HDAC9: variants seen among roughly 807,000 people sequenced by gnomAD.
The protein encoded by HDAC9 is MEF-2 interacting transcription repressor (MITR) protein.
A neutral mutation model predicts 139.4 loss-of-function variants in HDAC9; 41 were observed. That is an observed-to-expected ratio of 0.29 (90% CI 0.23 to 0.38). The LOEUF (loss-of-function observed/expected upper bound fraction) is 0.38. Among genes scored for constraint, HDAC9 ranks in the 10% least tolerant of loss-of-function variants. The pLI, the probability that HDAC9 is intolerant of heterozygous loss-of-function variation, is 1.00. For missense variants in HDAC9, 1,147 were observed against 1,297.0 expected, an observed-to-expected ratio of 0.88 and a Z score of 1.78; for synonymous variants, 517 against 476.2, an observed-to-expected ratio of 1.09 and a Z score of -1.12.
chr7:18,823,976 A>AAAGAAGAAGAAG (rs57608252), intron 17 of HDAC9, among the ~76,000 whole-genome samples: 41 of 148,686 alleles, frequency 2.8e-4, no homozygotes, highest in African/African-American at 9.9e-4. Context: ...AGACCCTGTG[A>AAAGAAGAAGAAG]AAGAAGAAGA....
At chr7:18,392,600 A>G (rs984891869) in intron 1 of HDAC9, among the ~76,000 whole-genome samples, 3 of 152,254 alleles carry the variant, frequency 2.0e-5, no homozygotes, top group Non-Finnish European at 4.4e-5. Flanking sequence ...CAATCCAACT[A>G]ATGCAATTTT....
chr7:18,972,252 C>T (rs1784284991), intron 24 of HDAC9, among the ~76,000 whole-genome samples: 1 of 151,984 alleles, frequency 6.6e-6, no homozygotes, highest in Non-Finnish European at 1.5e-5. Context: ...AAGCCTACCA[C>T]TATTATTTAT....
At chr7:18,933,522 A>T (rs549486832) in intron 22 of HDAC9, among the ~76,000 whole-genome samples, 1 of 151,772 alleles carries the variant, frequency 6.6e-6, no homozygotes, top group Non-Finnish European at 1.5e-5. Context: ...GAATTTCCAT[A>T]TATAAATTTT....
At chr7:18,471,801 C>T (rs1188550574) in intron 1 of HDAC9, among the ~76,000 whole-genome samples, 2 of 152,114 alleles carry the variant, frequency 1.3e-5, no homozygotes, top group African/African-American at 4.8e-5. Flanking sequence ...ATGTAACCAT[C>T]CTTGTGGAGA....
intron 17 of HDAC9, among the ~76,000 whole-genome samples, chr7:18,803,587 C>G (rs1466404948): frequency 6.6e-6 from 1 of 152,140 alleles, no homozygotes; most frequent in Admixed American, 6.6e-5. Flanking sequence ...TCTCTCAGCA[C>G]TTTAAATATC....
intron 1 of HDAC9, among the ~76,000 whole-genome samples, chr7:18,424,707 G>C: frequency 6.6e-6 from 1 of 152,152 alleles, no homozygotes; most frequent in East Asian, 1.9e-4. Context: ...TCAGGAGTTT[G>C]AGGCCAGCCA....
At chr7:18,088,868 T>C (rs1390139797) in intron 1 of HDAC9, among the ~76,000 whole-genome samples, 2 of 152,238 alleles carry the variant, frequency 1.3e-5, no homozygotes, top group African/African-American at 2.4e-5. Context: ...AACAACATAA[T>C]TTAGTCAGTT....
chr7:18,582,929 A>G (rs1828274346), intron 2 of HDAC9, among the ~76,000 whole-genome samples: 2 of 152,190 alleles, frequency 1.3e-5, no homozygotes, highest in Admixed American at 1.3e-4. Context: ...CATTGTACAC[A>G]TATATGTATA....
At position 18,421,483 on chromosome 7, in the gene HDAC9, AAAAG is replaced by A. The variant is rs1269014830; in HGVS notation, c.-41-74771_-41-74768del. ...GAAAGAAAGAAAGAATGAAAAAATGAAAAGAAAGAAAAGGAAAAGGAAGAAAAGA... is the reference window on the plus strand; with the variant it reads ...GAAAGAAAGAAAGAATGAAAAAATGAAAAGAAAAGGAAAAGGAAGAAAAGA... On this transcript the variant is annotated intron_variant, in intron 1 of 3. Coordinates refer to the HDAC9 transcript ENST00000413509. 5.9e-5 allele frequency among the ~76,000 whole-genome samples: 9 copies of A among 152,178 alleles called. No homozygotes were observed. The South Asian group carries it at 1.5e-3, about 25-fold the overall frequency.
Position 18,585,266 on chromosome 7 carries a change from T to C in HDAC9, c.23-15T>C, listed in dbSNP as rs371865786. 1.4e-4 allele frequency: 231 copies of C among 1,610,462 alleles called. No homozygotes were observed. The highest frequency in any genetic ancestry group is 1.7e-4 in the Non-Finnish European group (199 of 1,177,922). On this transcript the variant is annotated splice_polypyrimidine_tract_variant and intron_variant, in intron 2 of 25. Coordinates refer to ENST00000686413, the MANE Select transcript of HDAC9 (RefSeq NM_178425.4). ...CCCTCCCCCACCCCATTTCCCTTTT[T>C]TTCTGGTTCTTTAGTGGATGTGAAG...
intron 1 of HDAC9, among the ~76,000 whole-genome samples, chr7:18,349,406 AG>A (rs1782683382): frequency 6.6e-6 from 1 of 150,750 alleles, no homozygotes; most frequent in African/African-American, 2.5e-5. Context: ...TCTCTATAGC[AG>A]TGATCAACAG....
chr7:18,532,654 A>G (rs2128238992), intron 2 of HDAC9, among the ~76,000 whole-genome samples: 1 of 152,248 alleles, frequency 6.6e-6, no homozygotes, highest in South Asian at 2.1e-4. Flanking sequence ...TCAAAACGTT[A>G]TATATTGATC....
intron 1 of HDAC9, among the ~76,000 whole-genome samples, chr7:18,297,915 C>T (rs1798257122): frequency 6.6e-6 from 1 of 152,180 alleles, no homozygotes; most frequent in African/African-American, 2.4e-5. Flanking sequence ...GACGTTCCAT[C>T]CTGCCTAAGG....
At chr7:18,655,446 T>C (rs914377907) in intron 11 of HDAC9, among the ~76,000 whole-genome samples, 1 of 152,170 alleles carries the variant, frequency 6.6e-6, no homozygotes, top group African/African-American at 2.4e-5. Context: ...ATTGGCCCAA[T>C]ATAAATAGAT....
At chr7:18,096,365 A>G (rs953881094) in intron 1 of HDAC9, among the ~76,000 whole-genome samples, 1 of 152,192 alleles carries the variant, frequency 6.6e-6, no homozygotes, top group Non-Finnish European at 1.5e-5. Flanking sequence ...CACTTAGTTT[A>G]TGCATGATTC....
chr7:18,574,000 G>A (rs963967253), intron 2 of HDAC9, among the ~76,000 whole-genome samples: 4 of 152,200 alleles, frequency 2.6e-5, no homozygotes, highest in African/African-American at 9.6e-5. Context: ...GATGTGTCCC[G>A]AGTTCTTGTT....
At chr7:18,617,178 T>G (rs1424450975) in intron 6 of HDAC9, among the ~76,000 whole-genome samples, 1 of 152,150 alleles carries the variant, frequency 6.6e-6, no homozygotes, top group East Asian at 1.9e-4. Flanking sequence ...TATTAACCAC[T>G]GATTCCATCA....
At chr7:18,984,744 G>A (rs1337372370) in intron 25 of HDAC9, among the ~76,000 whole-genome samples, 1 of 152,158 alleles carries the variant, frequency 6.6e-6, no homozygotes, top group Non-Finnish European at 1.5e-5. Flanking sequence ...AAAGGAAGAC[G>A]TTGGTTGAAG....
intron 1 of HDAC9, among the ~76,000 whole-genome samples, chr7:18,327,196 C>T (rs906677727): frequency 1.3e-4 from 20 of 151,664 alleles, no homozygotes; most frequent in African/African-American, 4.6e-4. Context: ...GCATGGAAGG[C>T]TTATAAGATT....
Sources: allele counts gnomAD v4.1 joint callset (sites outside exome capture counted in the v4.1 genomes callset), GRCh38; gene constraint gnomAD v4.1.1; transcripts MANE v1.5; gene names NCBI Gene and HGNC (gene_info 2026-07-23, HGNC 2026-07-21).